The following FAM221A variants were observed in gnomAD, a reference collection of about 807,000 sequenced individuals.
FAM221A encodes protein FAM221A.
A neutral mutation model predicts 37.6 loss-of-function variants in FAM221A; 43 were observed. The observed-to-expected ratio is 1.15, with a 90% CI of 0.90 to 1.48. The LOEUF is 1.48. FAM221A is among the 40% of genes most tolerant of loss of function. The pLI is 0.00. For missense variants in FAM221A, 361 were observed against 361.5 expected (o/e 1.00, Z 0.01); for synonymous variants, 135 against 132.9 (o/e 1.02, Z -0.11).
intron 3 of FAM221A, 66 bp from the exon 4 acceptor site, chr7:23,691,324 T>A: frequency 6.6e-7 from 1 of 1,516,942 alleles, no homozygotes; most frequent in Non-Finnish European, 9.1e-7. Flanking sequence ...TTTGCCAGGC[T>A]AAGTGTCTTT....
intron 1 of FAM221A, among the ~76,000 whole-genome samples, chr7:23,681,295 G>C (rs1784024099): frequency 6.6e-6 from 1 of 152,214 alleles, no homozygotes; most frequent in Non-Finnish European, 1.5e-5. Flanking sequence ...AGTTGCTGGA[G>C]CTGGTGTTGA....
chr7:23,700,170 C>T (rs1473054952), intron 5 of FAM221A, among the ~76,000 whole-genome samples: 1 of 152,116 alleles, frequency 6.6e-6, no homozygotes, highest in Admixed American at 6.5e-5. Context: ...GTTCAGGTTG[C>T]TAGTCTGCTT....
chr7:23,690,199 A>ATATATATATATATATATATATTT (rs774313037), intron 3 of FAM221A, among the ~76,000 whole-genome samples: 1 of 48,740 alleles, frequency 2.1e-5, no homozygotes, highest in African/African-American at 8.5e-5. Flanking sequence ...ATATATATAT[A>ATATATATATATATATATATATTT]TTTTTTTTTT....
Position 23,689,260 on chromosome 7 carries a change from C to T in FAM221A, c.240-9C>T. 11 of 1,491,850 alleles carry T rather than the reference C, an allele frequency of 7.4e-6. No individual in the cohort carries two copies. Among genetic ancestry groups the T allele is most frequent in the East Asian group, 2.3e-5 (1 of 42,852 alleles). The allele number at this position is 1,491,850 out of a possible 1,614,324, so 92.4% of individuals were successfully genotyped here. ...GTGTTTATATTTCTCTCTCTTTCTCCTTTTTTAGGTATAAACAACATAAAA... is the reference window on the plus strand; with the variant it reads ...GTGTTTATATTTCTCTCTCTTTCTCTTTTTTTAGGTATAAACAACATAAAA... On this transcript the variant is annotated splice_polypyrimidine_tract_variant and intron_variant, in intron 2 of 6. Coordinates refer to ENST00000344962, the MANE Select transcript of FAM221A (RefSeq NM_199136.5).
intron 4 of FAM221A, among the ~76,000 whole-genome samples, chr7:23,696,753 G>A (rs891593530): frequency 6.6e-6 from 1 of 152,172 alleles, no homozygotes; most frequent in Non-Finnish European, 1.5e-5. Context: ...GTAAGGAGAG[G>A]AAATATAAGA....
rs1013481338 is a variant in FAM221A, at chr7:23,684,639, T to C, written c.206T>C (p.Val69Ala). 2 of 1,613,884 alleles carry C rather than the reference T, an allele frequency of 1.2e-6. No individual in the cohort carries two copies. Among genetic ancestry groups the C allele is most frequent in the Non-Finnish European group, 1.7e-6 (2 of 1,179,942 alleles). The change falls in exon 2 of 7, where the codon GTG (valine) becomes GCG (alanine). Residue 69 changes from valine to alanine, a missense_variant. Coordinates refer to ENST00000344962, the MANE Select transcript of FAM221A (RefSeq NM_199136.5). ...CCAACAGGGATGGATTGTAAACTTG[T>C]GGGCCCAGAGACACTGTGTTTTTGT... ...RSPTGMDCKL[V>A]GPETLCFCTH...
At chr7:23,692,674 A>G (rs1405119396) in intron 4 of FAM221A, 1 of 984,700 alleles carries the variant, frequency 1.0e-6, no homozygotes, top group African/African-American at 1.7e-5. Context: ...TAAAAGATTC[A>G]AACAATAGAA....
intron 1 of FAM221A, 63 bp downstream of exon 1, chr7:23,680,346 G>C: frequency 7.1e-7 from 1 of 1,401,204 alleles, no homozygotes; most frequent in South Asian, 1.4e-5. Flanking sequence ...CCTGGGCTGG[G>C]GGCGCGAGCA....
At chr7:23,692,605 G>A (rs1784817763) in intron 4 of FAM221A, 1 of 936,966 alleles carries the variant, frequency 1.1e-6, no homozygotes, top group East Asian at 1.2e-4. Context: ...GCCTCCCAAA[G>A]TGCTGGGATT....
rs1344190571 is a variant in FAM221A at position 23,680,324 on chromosome 7, G to A, written c.65+41G>A. The A allele has an allele frequency of 2.0e-6, 3 of 1,499,438 alleles. No individual in the cohort carries two copies. The African/African-American group carries it at 4.3e-5, about 21-fold the overall frequency. The allele number at this position is 1,499,438 out of a possible 1,614,324, so 92.9% of individuals were successfully genotyped here. A position where few individuals can be genotyped will look rare whatever the true frequency, so the allele number is the denominator to read the frequency against. ...CGGGCCTGCCCCCCCGCCGCTCCGA[G>A]GGGCCAGGATCCCTGGGCTGGGGGC... On this transcript the variant is annotated intron_variant, in intron 1 of 6. Coordinates refer to ENST00000344962, the MANE Select transcript of FAM221A (RefSeq NM_199136.5).
At chr7:23,701,945 T>A (rs1008740603) in intron 6 of FAM221A, 151 bp from the exon 7 acceptor site, 1 of 423,342 alleles carries the variant, frequency 2.4e-6, no homozygotes. Context: ...AAATGTGTAA[T>A]TATGTCCCTT....
At chr7:23,684,151 G>A (rs929810185) in intron 1 of FAM221A, among the ~76,000 whole-genome samples, 2 of 152,110 alleles carry the variant, frequency 1.3e-5, no homozygotes, top group Non-Finnish European at 2.9e-5. Flanking sequence ...AGTTTCTTCA[G>A]ACCCCCAGTA....
Position 23,691,449 on chromosome 7 carries a change from GC to G in FAM221A, c.493del (p.His165MetfsTer4). 1 of 1,614,196 alleles carries G rather than the reference GC, an allele frequency of 6.2e-7. No individual in the cohort carries two copies. The highest frequency in any genetic ancestry group is 8.5e-7 in the Non-Finnish European group (1 of 1,180,034). On this transcript the variant is annotated frameshift_variant, in exon 4 of 7. Transcript: ENST00000344962. LOFTEE classifies it high-confidence loss of function. ...TTGTGCTTGTGGTCAGCCTGCATAT[GC>G]CCATGACACAGTAGTGGAAACTAAG... is the stretch of plus-strand genomic sequence containing the variant. ...FTCACGQPAY[A>X]HDTVVETKQE... is the part of the protein sequence containing the mutation.
Position 23,680,251 on chromosome 7 carries a change from G to T in FAM221A, c.33G>T (p.Ala11=), listed in dbSNP as rs763458435. 2 of 1,549,154 alleles carry T rather than the reference G, an allele frequency of 1.3e-6. No individual in the cohort carries two copies. Among genetic ancestry groups the T allele is most frequent in the Non-Finnish European group, 1.7e-6 (2 of 1,146,016 alleles). The part of the protein sequence containing the change: MERLTLPLGG[A]AAVDEYLEYR... ...GGTTGACGTTGCCTCTCGGCGGCGCGGCGGCGGTGGACGAGTACCTGGAGT... is the reference window on the plus strand; with the variant it reads ...GGTTGACGTTGCCTCTCGGCGGCGCTGCGGCGGTGGACGAGTACCTGGAGT... The change falls in exon 1 of 7, where the codon GCG becomes GCT. Residue 11 remains alanine, a synonymous_variant. Coordinates refer to ENST00000344962, the MANE Select transcript of FAM221A (RefSeq NM_199136.5).
In FAM221A at chr7:23,689,280, A is replaced by G. The variant is rs1784562187; in HGVS notation, c.251A>G (p.His84Arg). 1 of 1,540,690 alleles carries G rather than the reference A, an allele frequency of 6.5e-7. No individual in the cohort carries two copies. The highest frequency in any genetic ancestry group is 1.2e-5 in the South Asian group (1 of 82,578). Reference sequence around the variant, plus strand: ...TTCTCCTTTTTTAGGTATAAACAACATAAAACTGACTTGGAAGCGATTCCT... The same window carrying G: ...TTCTCCTTTTTTAGGTATAAACAACGTAAAACTGACTTGGAAGCGATTCCT... The part of the protein sequence containing the change: ...LCFCTHRYKQ[H>R]KTDLEAIPQQ... Residue 84 changes from histidine to arginine, a missense_variant, in exon 3 of 7, where the codon CAT (histidine) becomes CGT (arginine). His to Arg is a conservative substitution (Grantham distance 29). Coordinates refer to ENST00000344962, the MANE Select transcript of FAM221A (RefSeq NM_199136.5).
At position 23,698,217 on chromosome 7, in the gene FAM221A, A is replaced by G. The variant is rs1785183985; in HGVS notation, c.663A>G (p.Glu221=). ...GTGTACCTTCAGTTGAATTTTTAGA[A>G]TCTCCCATTACGGCAGTAGACAGCC... ...GIGVPSVEFL[E]SPITAVDSPF... The change falls in exon 5 of 7, where the codon GAA becomes GAG. Residue 221 remains glutamate (E), a synonymous_variant. Transcript: ENST00000344962. 2.5e-6 allele frequency: 4 copies of G among 1,590,758 alleles called. No homozygotes were observed. The highest frequency in any genetic ancestry group is 3.4e-6 in the Non-Finnish European group (4 of 1,164,684).
At chr7:23,692,242 C>T in intron 4 of FAM221A, 1 of 908,924 alleles carries the variant, frequency 1.1e-6, no homozygotes, top group Non-Finnish European at 1.3e-6. Flanking sequence ...TCCCTGTCTA[C>T]TTGAAACACA....
At chr7:23,691,294 G>C (rs1584268933) in intron 3 of FAM221A, 96 bp from the exon 4 acceptor site, 14 of 1,120,980 alleles carry the variant, frequency 1.2e-5, no homozygotes, top group East Asian at 2.4e-5. Context: ...AGGGGCCAGA[G>C]GATCTAGGTT....
chr7:23,689,758 G>C (rs753029306), intron 3 of FAM221A, among the ~76,000 whole-genome samples: 2 of 152,102 alleles, frequency 1.3e-5, no homozygotes, highest in Non-Finnish European at 2.9e-5. Context: ...TGCCAGATGT[G>C]ATCTGATTCA....
Sources: allele counts gnomAD v4.1 joint callset (sites outside exome capture counted in the v4.1 genomes callset), GRCh38; gene constraint gnomAD v4.1.1; transcripts MANE v1.5; gene names NCBI Gene and HGNC (gene_info 2026-07-23, HGNC 2026-07-21).